PRKCA: variants seen among roughly 807,000 people sequenced by gnomAD.
The protein encoded by PRKCA is protein kinase C alpha, also known as protein kinase C alpha type.
Under a neutral mutation model 87.0 loss-of-function variants are expected in PRKCA, and 27 were observed. The ratio of observed to expected loss-of-function variants is 0.31; its 90% CI spans 0.23 to 0.43. The LOEUF is 0.43. Ranked by LOEUF, PRKCA falls within the 20% of genes least tolerant of loss-of-function variation. The probability of loss-of-function intolerance (pLI) is 1.00; values close to 1 mark genes in which losing one functional copy is unlikely to be tolerated. For missense variants in PRKCA, 518 were observed against 852.3 expected (o/e 0.61, Z 4.88); for synonymous variants, 329 against 311.1 (o/e 1.06, Z -0.61).
chr17:66,376,894 C>T (rs1480193762), intron 2 of PRKCA, among the ~76,000 whole-genome samples: 2 of 152,160 alleles, frequency 1.3e-5, no homozygotes, highest in Non-Finnish European at 2.9e-5. Context: ...GGCCTCCTCT[C>T]TGCTGGTTTC....
At chr17:66,363,560 G>GT in intron 2 of PRKCA, among the ~76,000 whole-genome samples, 2 of 152,338 alleles carry the variant, frequency 1.3e-5, no homozygotes, top group East Asian at 3.9e-4. Context: ...TTTGTTACAA[G>GT]TAAATTCATT....
rs569323050 is a variant in PRKCA, at chr17:66,429,319, T to G, written c.206-66882T>G. On this transcript the variant is annotated intron_variant, in intron 2 of 16. Coordinates refer to ENST00000413366, the MANE Select transcript of PRKCA (RefSeq NM_002737.3). ...ACAACTTAGCTTTAATATCGTTGGG[T>G]TTCATGAACGTAATACATGTGTCTG... 2.0e-5 allele frequency among the ~76,000 whole-genome samples: 3 copies of G among 152,340 alleles called. No individual in the cohort carries two copies. In the East Asian group the frequency reaches 5.8e-4, roughly 29 times the overall value.
chr17:66,722,256 G>A (rs569488099), intron 8 of PRKCA, among the ~76,000 whole-genome samples: 1 of 152,292 alleles, frequency 6.6e-6, no homozygotes, highest in South Asian at 2.1e-4. Context: ...CTGTTAAGGT[G>A]GGTTAGACTG....
intron 2 of PRKCA, among the ~76,000 whole-genome samples, chr17:66,370,529 T>A (rs563267884): frequency 6.6e-6 from 1 of 150,880 alleles, no homozygotes; most frequent in South Asian, 2.1e-4. Flanking sequence ...GATTTGATAC[T>A]ATTTTTTTTC....
At chr17:66,699,210 C>CAAAAAAAAAAAA (rs59337509) in intron 8 of PRKCA, among the ~76,000 whole-genome samples, 1 of 105,634 alleles carries the variant, frequency 9.5e-6, no homozygotes, top group Non-Finnish European at 1.9e-5. Flanking sequence ...GACTGTCTCT[C>CAAAAAAAAAAAA]AAAAAAAAAA....
chr17:66,718,832 A>G (rs900614748), intron 8 of PRKCA, among the ~76,000 whole-genome samples: 2 of 152,214 alleles, frequency 1.3e-5, no homozygotes, highest in African/African-American at 2.4e-5. Flanking sequence ...TTGTTTTGAC[A>G]TCTGAACATA....
intron 2 of PRKCA, among the ~76,000 whole-genome samples, chr17:66,369,039 T>C (rs1009810570): frequency 1.3e-4 from 20 of 152,214 alleles, no homozygotes; most frequent in African/African-American, 4.6e-4. Context: ...TCCTTTTCTG[T>C]CACCTTCTTC....
intron 13 of PRKCA, among the ~76,000 whole-genome samples, chr17:66,749,306 G>C (rs1974378377): frequency 1.3e-5 from 2 of 150,358 alleles, no homozygotes; most frequent in Admixed American, 6.6e-5. Flanking sequence ...CCCCTCCGGA[G>C]CTCTCTAGAC....
intron 3 of PRKCA, among the ~76,000 whole-genome samples, chr17:66,626,306 G>C (rs1970854092): frequency 6.7e-6 from 1 of 150,206 alleles, no homozygotes; most frequent in Non-Finnish European, 1.5e-5. Context: ...TCCCACCTCA[G>C]CCTCCCAAGT....
At chr17:66,370,426 C>T (rs563942486) in intron 2 of PRKCA, among the ~76,000 whole-genome samples, 10 of 151,044 alleles carry the variant, frequency 6.6e-5, no homozygotes, top group African/African-American at 1.7e-4. Context: ...ACAGGGATGG[C>T]GAACAGTGGT....
At position 66,735,572 on chromosome 17, in the gene PRKCA, C is replaced by T. The variant is rs541892161; in HGVS notation, c.1140C>T (p.Asp380=). The change falls in exon 10 of 17, where the codon GAC becomes GAT. Residue 380 remains aspartate (D), a synonymous_variant. Coordinates refer to ENST00000413366, the MANE Select transcript of PRKCA (RefSeq NM_002737.3). ...AGGATGTGGTGATTCAGGATGATGA[C>T]GTGGAGTGCACCATGGTAGAAAAGC... ...LKKDVVIQDD[D]VECTMVEKRV... is the part of the protein sequence containing the mutation. 2.1e-4 allele frequency: 341 copies of T among 1,614,116 alleles called. 4 individuals carry two copies. In the South Asian group the frequency reaches 3.6e-3, roughly 17 times the overall value.
At chr17:66,401,010 G>T (rs955522235) in intron 2 of PRKCA, among the ~76,000 whole-genome samples, 1 of 152,140 alleles carries the variant, frequency 6.6e-6, no homozygotes, top group Non-Finnish European at 1.5e-5. Flanking sequence ...AGTATTTGGG[G>T]TGTTTCTTTT....
chr17:66,502,401 A>AT lies in PRKCA; in HGVS notation c.288+6123dup, dbSNP rs1916775054. The stretch of plus-strand genomic sequence containing the variant: ...GGGCATGCACCACCACACTCGGCTA[A>AT]TTTTTGTATTTTTAGTAGAGACGGA... On this transcript the variant is annotated intron_variant, in intron 3 of 16. Transcript: ENST00000413366. Among the ~76,000 whole-genome samples, 3 of 151,878 alleles carry AT rather than the reference A, an allele frequency of 2.0e-5. No individual in the cohort carries two copies. The South Asian group carries it at 6.3e-4, about 32-fold the overall frequency.
intron 13 of PRKCA, among the ~76,000 whole-genome samples, chr17:66,753,455 G>T (rs1186632417): frequency 6.6e-6 from 1 of 152,218 alleles, no homozygotes; most frequent in Non-Finnish European, 1.5e-5. Flanking sequence ...GATGGAAAGG[G>T]CCTGGGAAGA....
At chr17:66,769,257 C>T (rs1459388107) in intron 13 of PRKCA, among the ~76,000 whole-genome samples, 1 of 151,530 alleles carries the variant, frequency 6.6e-6, no homozygotes, top group Non-Finnish European at 1.5e-5. Context: ...ACTTAGGAGG[C>T]TGGGTGGGAG....
chr17:66,433,046 G>A (rs992008208), intron 2 of PRKCA, among the ~76,000 whole-genome samples: 22 of 152,298 alleles, frequency 1.4e-4, no homozygotes, highest in African/African-American at 4.8e-4. Flanking sequence ...TTAGCCGGGG[G>A]GAAGGAGGTA....
chr17:66,596,571 C>CTTTTTTTTTTTT (rs10582567), intron 3 of PRKCA, among the ~76,000 whole-genome samples: 11 of 113,860 alleles, frequency 9.7e-5, no homozygotes, highest in Non-Finnish European at 1.5e-4. Flanking sequence ...AATATTAAAC[C>CTTTTTTTTTTTT]TTTTTTTTTT....
intron 3 of PRKCA, among the ~76,000 whole-genome samples, chr17:66,566,967 T>C (rs1968923459): frequency 6.6e-6 from 1 of 152,166 alleles, no homozygotes; most frequent in Non-Finnish European, 1.5e-5. Flanking sequence ...AAAAGAAATT[T>C]ATCCCATAGA....
chr17:66,347,029 T>TAAAAAAAA (rs201832571), intron 2 of PRKCA, among the ~76,000 whole-genome samples: 2 of 139,694 alleles, frequency 1.4e-5, no homozygotes, highest in Non-Finnish European at 1.6e-5. Flanking sequence ...AGACTCCATC[T>TAAAAAAAA]AAAAAAAAAA....
Sources: allele counts gnomAD v4.1 joint callset (sites outside exome capture counted in the v4.1 genomes callset), GRCh38; gene constraint gnomAD v4.1.1; transcripts MANE v1.5; gene names NCBI Gene and HGNC (gene_info 2026-07-23, HGNC 2026-07-21).